CSF2RB: variants seen among roughly 807,000 people sequenced by gnomAD.
CSF2RB encodes the protein cytokine receptor common subunit beta.
Under a neutral mutation model 67.2 loss-of-function variants are expected in CSF2RB, and 22 were observed. The ratio of observed to expected loss-of-function variants is 0.33; its 90% confidence interval spans 0.23 to 0.47. The LOEUF is 0.47. CSF2RB is among the 20% of genes least tolerant of loss of function. CSF2RB has a pLI of 1.00. For missense variants in CSF2RB, 1,113 were observed against 1,174.5 expected, an observed-to-expected ratio of 0.95 and a Z score of 0.76; for synonymous variants, 507 against 482.9, an observed-to-expected ratio of 1.05 and a Z score of -0.65.
intron 6 of CSF2RB, among the ~76,000 whole-genome samples, chr22:36,930,034 T>A (rs950978791): frequency 1.3e-5 from 2 of 152,224 alleles, no homozygotes; most frequent in African/African-American, 4.8e-5. Context: ...TCTCTGCCAA[T>A]GGCAATTACA....
intron 4 of CSF2RB, among the ~76,000 whole-genome samples, chr22:36,929,040 G>C (rs573346551): frequency 3.3e-5 from 5 of 152,184 alleles, no homozygotes; most frequent in East Asian, 1.9e-4. Flanking sequence ...ACAGCAGGAG[G>C]GGGGAGGCCG....
rs565502332 is a variant in CSF2RB, at chr22:36,934,947, C to T, written c.1316-404C>T. Among the ~76,000 whole-genome samples the T allele has an allele frequency of 5.9e-5, 9 of 152,260 alleles. No homozygotes were observed. In the South Asian group the frequency reaches 1.2e-3, roughly 21 times the overall value. On this transcript the variant is annotated intron_variant, in intron 10 of 13. Coordinates refer to ENST00000403662, the MANE Select transcript of CSF2RB (RefSeq NM_000395.3). ...TCAGGGGCCTCTGGAGGGGCCTTTGCTCCTGCTGGTGCCTCTGCCACTATG... is the reference window on the plus strand; with the variant it reads ...TCAGGGGCCTCTGGAGGGGCCTTTGTTCCTGCTGGTGCCTCTGCCACTATG...
intron 1 of CSF2RB, among the ~76,000 whole-genome samples, chr22:36,914,300 G>A (rs1940665504): frequency 6.6e-6 from 1 of 152,130 alleles, no homozygotes; most frequent in Non-Finnish European, 1.5e-5. Flanking sequence ...GAGGCCCAGA[G>A]CTGGGTGCGG....
chr22:36,919,701 G>A (rs1415668119), intron 1 of CSF2RB, among the ~76,000 whole-genome samples: 3 of 152,086 alleles, frequency 2.0e-5, no homozygotes, highest in Non-Finnish European at 2.9e-5. Context: ...GTGAGCCACC[G>A]CGCCCAGGCT....
chr22:36,939,060 C>G lies in CSF2RB; in HGVS notation c.*558C>G. 1 of 688,358 alleles carries G rather than the reference C, an allele frequency of 1.5e-6. No homozygotes were observed. The allele number at this position is 688,358 out of a possible 1,614,324, so 42.6% of individuals were successfully genotyped here. ...TGGAAGAGTGGCACAGGACTGGGCA[C>G]GCTCAGTGAGGCTCAGGGAATTCAG... On this transcript the variant is annotated 3_prime_UTR_variant, in exon 14 of 14. Transcript: ENST00000403662.
At chr22:36,919,181 C>T (rs1337103124) in intron 1 of CSF2RB, among the ~76,000 whole-genome samples, 1 of 152,206 alleles carries the variant, frequency 6.6e-6, no homozygotes, top group Non-Finnish European at 1.5e-5. Context: ...GAAAGGGACA[C>T]GGTCTTCCAT....
At chr22:36,933,668 G>C (rs1245286589) in intron 9 of CSF2RB, among the ~76,000 whole-genome samples, 164 bp from the exon 10 acceptor site, 1 of 152,194 alleles carries the variant, frequency 6.6e-6, no homozygotes, top group Non-Finnish European at 1.5e-5. Flanking sequence ...TGCTGTCCGT[G>C]GGTGGGCCCT....
intron 1 of CSF2RB, among the ~76,000 whole-genome samples, chr22:36,918,886 C>T (rs996462692): frequency 6.6e-6 from 1 of 152,190 alleles, no homozygotes; most frequent in Admixed American, 6.5e-5. Flanking sequence ...CTCAAGGTAA[C>T]CTCATGGTCC....
intron 10 of CSF2RB, among the ~76,000 whole-genome samples, chr22:36,934,700 C>T (rs996866285): frequency 2.0e-5 from 3 of 152,184 alleles, no homozygotes; most frequent in South Asian, 2.1e-4. Flanking sequence ...AGGCGACTCC[C>T]GCAGAACAAG....
chr22:36,922,703 C>G (rs1018358360), intron 2 of CSF2RB: 4 of 320,870 alleles, frequency 1.2e-5, no homozygotes, highest in Non-Finnish European at 2.4e-5. Context: ...GCCTGAAGCC[C>G]GCACTGGGAT....
intron 1 of CSF2RB, among the ~76,000 whole-genome samples, chr22:36,919,703 G>T (rs977322255): frequency 2.6e-5 from 4 of 152,070 alleles, no homozygotes; most frequent in Non-Finnish European, 5.9e-5. Flanking sequence ...GAGCCACCGC[G>T]CCCAGGCTTT....
At chr22:36,921,348 C>T (rs1444039119) in intron 1 of CSF2RB, among the ~76,000 whole-genome samples, 3 of 146,442 alleles carry the variant, frequency 2.0e-5, no homozygotes, top group African/African-American at 7.7e-5. Context: ...TCTGTGTGTG[C>T]ATTTGTGTGT....
rs535326872 is a variant in CSF2RB at position 36,938,354 on chromosome 22, A to G, written c.2546A>G (p.Lys849Arg). ...PSSPGPGPEI[K>R]NLDQAFQVKK... ...TCCCCGGGACCCGGTCCTGAGATCA[A>G]GAACCTAGACCAGGCTTTTCAAGTC... The change falls in exon 14 of 14, where the codon AAG (lysine) becomes AGG (arginine). Residue 849 changes from lysine to arginine, a missense_variant. This residue lies in a region of CSF2RB where 554 missense variants were observed against 517.9 expected (regional missense o/e 1.07). Transcript: ENST00000403662. 2.5e-6 allele frequency: 4 copies of G among 1,614,204 alleles called. No individual in the cohort carries two copies. The highest frequency in any genetic ancestry group is 4.5e-5 in the East Asian group (2 of 44,886).
chr22:36,935,453 CTG>C lies in CSF2RB; in HGVS notation c.1406+15_1406+16del, dbSNP rs1941246892. On this transcript the variant is annotated intron_variant, in intron 11 of 13. Coordinates refer to ENST00000403662, the MANE Select transcript of CSF2RB (RefSeq NM_000395.3). ...ATCTACGGGTACAGGTGAGGGGACT[CTG>C]TGGGGCTGGAGGTGGCAGCCGAGAC... is the stretch of plus-strand genomic sequence containing the variant. 6.2e-7 allele frequency: 1 copy of C among 1,613,936 alleles called. No individual in the cohort carries two copies. The highest frequency in any genetic ancestry group is 1.1e-5 in the South Asian group (1 of 91,078).
intron 12 of CSF2RB, 125 bp downstream of exon 12, chr22:36,935,812 T>A (rs1409123337): frequency 9.7e-7 from 1 of 1,029,648 alleles, no homozygotes; most frequent in Admixed American, 2.1e-5. Context: ...GACTGGGCTT[T>A]GGGAGCTTTG....
Position 36,930,812 on chromosome 22 carries a change from A to G in CSF2RB, c.994A>G (p.Ile332Val), listed in dbSNP as rs767940994. 6.2e-7 allele frequency: 1 copy of G among 1,614,044 alleles called. No homozygotes were observed. The highest frequency in any genetic ancestry group is 1.3e-5 in the African/African-American group (1 of 74,926). The change falls in exon 8 of 14, where the codon ATA becomes GTA. Residue 332 changes from isoleucine to valine, a missense_variant. By Grantham distance (29) the Ile-to-Val change is conservative. Around this residue, in one of 2 missense-constraint regions of CSF2RB, gnomAD observed 559 missense variants for 656.5 expected, o/e 0.85. Transcript: ENST00000403662. ...SVQPRRAEKH[I>V]KSSVNIQMAP... is the part of the protein sequence containing the mutation. The stretch of plus-strand genomic sequence containing the variant: ...TCAGCCAAGGAGGGCAGAGAAACAC[A>G]TAAAGAGCTCAGTGAACAGTGAGTT...
At position 36,938,545 on chromosome 22, in the gene CSF2RB, C is replaced by G. The variant is rs748955292; in HGVS notation, c.*43C>G. On this transcript the variant is annotated 3_prime_UTR_variant, in exon 14 of 14. Transcript: ENST00000403662. ...AGGCAAGGGGATGGAGAGGGCTTGC[C>G]TTCCCTCCCGCCTGACCTTCCTCAG... 2 of 1,570,496 alleles carry G rather than the reference C, an allele frequency of 1.3e-6. No homozygotes were observed. Among genetic ancestry groups the G allele is most frequent in the African/African-American group, 2.7e-5 (2 of 73,354 alleles).
intron 8 of CSF2RB, among the ~76,000 whole-genome samples, chr22:36,932,459 C>G (rs1403834763): frequency 1.3e-5 from 2 of 148,764 alleles, no homozygotes; most frequent in Non-Finnish European, 3.0e-5. Flanking sequence ...AAAAAATAGC[C>G]AGTTGCCTAG....
Position 36,938,294 on chromosome 22 carries a change from G to A in CSF2RB, c.2486G>A (p.Gly829Glu). The A allele has an allele frequency of 6.2e-7, 1 of 1,614,198 alleles. No homozygotes were observed. The highest frequency in any genetic ancestry group is 8.5e-7 in the Non-Finnish European group (1 of 1,180,022). Reference sequence around the variant, plus strand: ...GACTATTGCTTCCTCCCCGGCCTGGGGCCCGGCCCTCTCTCGCTCCGGAGT... The same window carrying A: ...GACTATTGCTTCCTCCCCGGCCTGGAGCCCGGCCCTCTCTCGCTCCGGAGT... The part of the protein sequence containing the change: ...VGDYCFLPGL[G>E]PGPLSLRSKP... Residue 829 changes from glycine to glutamate, a missense_variant, in exon 14 of 14, where the codon GGG (glycine) becomes GAG (glutamate). This residue lies in a region of CSF2RB where 554 missense variants were observed against 517.9 expected (regional missense o/e 1.07). Transcript: ENST00000403662.
Sources: gnomAD v4.1 joint callset for allele counts (sites outside exome capture counted in the v4.1 genomes callset) on GRCh38, gnomAD v4.1.1 for gene constraint, gnomAD v4.1.1 regional missense constraint, MANE v1.5 for transcripts, NCBI Gene and HGNC (gene_info 2026-07-23, HGNC 2026-07-21) for gene names.